DNTT: variants seen among roughly 807,000 people sequenced by gnomAD.
The protein encoded by DNTT is DNA nucleotidylexotransferase, also known as nucleosidetriphosphate:DNA deoxynucleotidylexotransferase.
A neutral mutation model predicts 60.9 loss-of-function variants in DNTT; 47 were observed. The observed-to-expected ratio is 0.77, with a 90% CI of 0.61 to 0.98. DNTT has a LOEUF of 0.98. DNTT is among the 50% of genes least tolerant of loss of function. The pLI, the probability that DNTT is intolerant of heterozygous loss-of-function variation, is 0.00. For synonymous variants in DNTT, 224 were observed against 221.2 expected, an observed-to-expected ratio of 1.01 and a Z score of -0.11; for missense variants, 665 against 627.5, an observed-to-expected ratio of 1.06 and a Z score of -0.64.
At chr10:96,334,037 A>G (rs1345189219) in intron 9 of DNTT, among the ~76,000 whole-genome samples, 1 of 152,266 alleles carries the variant, frequency 6.6e-6, no homozygotes, top group Non-Finnish European at 1.5e-5. Flanking sequence ...GTCTGATTTT[A>G]TCATTCTGCA....
At chr10:96,310,824 TAATTTTTGTAATG>T (rs1844706515) in intron 1 of DNTT, among the ~76,000 whole-genome samples, 1 of 152,198 alleles carries the variant, frequency 6.6e-6, no homozygotes, top group African/African-American at 2.4e-5. Flanking sequence ...TTACCAAGAG[TAATTTTTGTAATG>T]AATTTTTTTT....
chr10:96,318,157 AC>A (rs1027589494), intron 1 of DNTT, among the ~76,000 whole-genome samples, 194 bp from the exon 2 acceptor site: 1 of 152,148 alleles, frequency 6.6e-6, no homozygotes, highest in Non-Finnish European at 1.5e-5. Flanking sequence ...CTGACATGTA[AC>A]CCGGACCACT....
chr10:96,336,734 G>A (rs970471271), intron 10 of DNTT, among the ~76,000 whole-genome samples: 5 of 152,104 alleles, frequency 3.3e-5, no homozygotes, highest in East Asian at 3.9e-4. Flanking sequence ...ATCACTTGAG[G>A]TCAGGAGTTC....
rs760057248 is a variant in DNTT at position 96,318,475 on chromosome 10, A to T, written c.327A>T (p.Glu109Asp). 120 of 1,613,816 alleles carry T rather than the reference A, an allele frequency of 7.4e-5. No homozygotes were observed. The highest frequency in any genetic ancestry group is 9.9e-5 in the Non-Finnish European group (117 of 1,179,866). The change falls in exon 2 of 11, where the codon GAA becomes GAT. Residue 109 changes from glutamate to aspartate, a missense_variant. Coordinates refer to ENST00000371174, the MANE Select transcript of DNTT (RefSeq NM_004088.4). ...PELLDVSWLI[E>D]CIRAGKPVEM... ...TCCTCGATGTCTCCTGGCTGATCGA[A>T]TGCATAAGAGCAGGGAAACCGGTGG...
rs79480762 is a variant in DNTT, at chr10:96,326,508, C to G, written c.875-960C>G. On this transcript the variant is annotated intron_variant, in intron 6 of 10. Coordinates refer to ENST00000371174, the MANE Select transcript of DNTT (RefSeq NM_004088.4). ...TGGGAAATTTGGCAGGGTGTGCAAG[C>G]CAAATGGCCACCCTGCTGCCTCCCT... Among the ~76,000 whole-genome samples the G allele has an allele frequency of 5.0e-3, 762 of 152,230 alleles. 11 individuals are homozygous for G. The highest frequency in any genetic ancestry group is 0.035 in the Admixed American group (538 of 15,290).
rs57273993 is a variant in DNTT at position 96,320,938 on chromosome 10, GTCTCTCTCTCTCTC to G, written c.678+168_678+181del. ...ATACATATTCCTCTCTCTCTCCTCTGTCTCTCTCTCTCTCTCTCTCTCTCTCTCTCTGTTTATTT... is the reference window on the plus strand; with the variant it reads ...ATACATATTCCTCTCTCTCTCCTCTGTCTCTCTCTCTCTCTCTGTTTATTT... On this transcript the variant is annotated intron_variant, in intron 4 of 10. Coordinates refer to ENST00000371174, the MANE Select transcript of DNTT (RefSeq NM_004088.4). 851 of 541,894 alleles carry G rather than the reference GTCTCTCTCTCTCTC, an allele frequency of 1.6e-3. 3 individuals are homozygous for G. Among genetic ancestry groups the G allele is most frequent in the Middle Eastern group, 2.1e-3 (4 of 1,942 alleles). 33.6% of individuals were successfully genotyped at this position (541,894 alleles called of 1,614,324 possible). A position where few individuals can be genotyped will look rare whatever the true frequency, so the allele number is the denominator to read the frequency against.
In DNTT at chr10:96,304,657, G is replaced by A. The variant is rs1844612066; in HGVS notation, c.160G>A (p.Glu54Lys). 6.2e-7 allele frequency: 1 copy of A among 1,614,140 alleles called. No homozygotes were observed. Among genetic ancestry groups the A allele is most frequent in the East Asian group, 2.2e-5 (1 of 44,856 alleles). ...AACCACCCGCAGAGCGTTCCTCATG[G>A]AGCTGGCCCGCAGGAAAGGGTTCAG... ...MGTTRRAFLM[E>K]LARRKGFRVE... The change falls in exon 1 of 11, where the codon GAG becomes AAG. Residue 54 changes from glutamate to lysine, a missense_variant. Physicochemically the swap from Glu to Lys is moderately conservative, Grantham distance 56. Coordinates refer to ENST00000371174, the MANE Select transcript of DNTT (RefSeq NM_004088.4).
intron 1 of DNTT, among the ~76,000 whole-genome samples, chr10:96,308,326 A>G (rs1373892290): frequency 1.3e-5 from 2 of 152,230 alleles, no homozygotes; most frequent in Non-Finnish European, 2.9e-5. Flanking sequence ...CGTGCCATTC[A>G]ATGTGCCATA....
chr10:96,327,093 C>T lies in DNTT; in HGVS notation c.875-375C>T, dbSNP rs116433288. 5.4e-4 allele frequency among the ~76,000 whole-genome samples: 83 copies of T among 152,294 alleles called. 1 individual carries two copies. Among genetic ancestry groups the T allele is most frequent in the African/African-American group, 1.9e-3 (80 of 41,556 alleles). On this transcript the variant is annotated intron_variant, in intron 6 of 10. Coordinates refer to ENST00000371174, the MANE Select transcript of DNTT (RefSeq NM_004088.4). ...TTTTAATGGATCCATCACCTTCCAA[C>T]TCTAAATCTCCTCATCCCAAATCTT...
rs66877330 is a variant in DNTT, at chr10:96,306,092, A to ATT, written c.203+1410_203+1411dup. On this transcript the variant is annotated intron_variant, in intron 1 of 10. Coordinates refer to ENST00000371174, the MANE Select transcript of DNTT (RefSeq NM_004088.4). ...ATAGGTAAAGAAGCCAAAAAAATAG[A>ATT]TTTTTTTTTTTTTTTTTTTGAGACA... Among the ~76,000 whole-genome samples, 353 of 131,474 alleles carry ATT rather than the reference A, an allele frequency of 2.7e-3. 4 individuals are homozygous for ATT. The highest frequency in any genetic ancestry group is 0.015 in the Middle Eastern group (4 of 268). The allele number at this position is 131,474 out of a possible 152,430, so 86.3% of individuals were successfully genotyped here. A position where few individuals can be genotyped will look rare whatever the true frequency, so the allele number is the denominator to read the frequency against.
rs1156740917 is a variant in DNTT, at chr10:96,332,333, C to T, written c.1114-18C>T. On this transcript the variant is annotated intron_variant, in intron 8 of 10. Coordinates refer to ENST00000371174, the MANE Select transcript of DNTT (RefSeq NM_004088.4). ...CTTCATCAGGGCCTTTTCCTGATGC[C>T]ATTCTGTTTCTTTTCAGGGATTACT... 1.2e-6 allele frequency: 2 copies of T among 1,609,106 alleles called. No individual in the cohort carries two copies. The highest frequency in any genetic ancestry group is 1.7e-6 in the Non-Finnish European group (2 of 1,176,696).
intron 1 of DNTT, among the ~76,000 whole-genome samples, chr10:96,312,870 A>G (rs1304131548): frequency 6.6e-6 from 1 of 152,116 alleles, no homozygotes; most frequent in Non-Finnish European, 1.5e-5. Context: ...AGTTTGAGAG[A>G]CATTCCTTTA....
intron 1 of DNTT, among the ~76,000 whole-genome samples, chr10:96,305,557 G>A (rs1844623902): frequency 6.6e-6 from 1 of 152,226 alleles, no homozygotes; most frequent in Non-Finnish European, 1.5e-5. Flanking sequence ...GGCTTGCAAT[G>A]AAGGAGTAAT....
At chr10:96,324,191 C>G (rs766418725) in intron 5 of DNTT, 75 bp from the exon 6 acceptor site, 24 of 1,514,946 alleles carry the variant, frequency 1.6e-5, no homozygotes, top group Non-Finnish European at 2.0e-5. Context: ...TTGCCTGAGA[C>G]CTAGAAAGGG....
intron 6 of DNTT, 45 bp from the exon 7 acceptor site, chr10:96,327,423 A>C: frequency 6.2e-7 from 1 of 1,613,784 alleles, no homozygotes; most frequent in South Asian, 1.1e-5. Flanking sequence ...TGGTTGTTTC[A>C]CACACGTGTC....
intron 8 of DNTT, among the ~76,000 whole-genome samples, chr10:96,331,568 A>G (rs1845007012): frequency 6.6e-6 from 1 of 152,094 alleles, no homozygotes; most frequent in South Asian, 2.1e-4. Flanking sequence ...GGGAGCTAAC[A>G]AAGTGAGAAC....
At chr10:96,313,993 G>A (rs1053255899) in intron 1 of DNTT, among the ~76,000 whole-genome samples, 2 of 152,208 alleles carry the variant, frequency 1.3e-5, no homozygotes, top group Non-Finnish European at 2.9e-5. Flanking sequence ...TGGCTGCTCC[G>A]TCTTGATGTG....
At chr10:96,326,245 G>A (rs867328086) in intron 6 of DNTT, among the ~76,000 whole-genome samples, 1 of 151,326 alleles carries the variant, frequency 6.6e-6, no homozygotes, top group Middle Eastern at 3.4e-3. Flanking sequence ...GCCTAATAGA[G>A]CATTGCTTCT....
At position 96,320,783 on chromosome 10, in the gene DNTT, A is replaced by C. The variant is rs774955854; in HGVS notation, c.673A>C (p.Ile225Leu). ...CCTGGGGTCCAAGGTGAAGGGTATCATAGAGGTAAGGGTGAAATGGGATTT... is the reference window on the plus strand; with the variant it reads ...CCTGGGGTCCAAGGTGAAGGGTATCCTAGAGGTAAGGGTGAAATGGGATTT... ...PCLGSKVKGI[I>L]EEIIEDGESS... Residue 225 changes from isoleucine (I) to leucine (L), a missense_variant, in exon 4 of 11, where the codon ATA becomes CTA. By Grantham distance (5) the Ile-to-Leu change is conservative. Transcript: ENST00000371174. 6.2e-7 allele frequency: 1 copy of C among 1,613,646 alleles called. No homozygotes were observed. Among genetic ancestry groups the C allele is most frequent in the South Asian group, 1.1e-5 (1 of 91,040 alleles).
Sources: gnomAD v4.1 joint callset for allele counts (sites outside exome capture counted in the v4.1 genomes callset) on GRCh38, gnomAD v4.1.1 for gene constraint, MANE v1.5 for transcripts, NCBI Gene and HGNC (gene_info 2026-07-23, HGNC 2026-07-21) for gene names.